Variants in RBM4 observed in about 807,000 individuals in gnomAD.
RBM4 encodes RNA binding motif protein 4.
Under a neutral mutation model 29.5 loss-of-function variants are expected in RBM4, and 7 were observed. The observed-to-expected ratio is 0.24, with a 90% CI of 0.14 to 0.45. The LOEUF (loss-of-function observed/expected upper bound fraction) is 0.45. Ranked by LOEUF, RBM4 falls within the 20% of genes least tolerant of loss-of-function variation. The pLI, the probability that RBM4 is intolerant of heterozygous loss-of-function variation, is 1.00. For missense variants in RBM4, 387 were observed against 502.3 expected, an observed-to-expected ratio of 0.77 and a Z score of 2.19; for synonymous variants, 220 against 205.4, an observed-to-expected ratio of 1.07 and a Z score of -0.61.
chr11:66,643,651 A>T lies in RBM4; in HGVS notation c.614A>T (p.Tyr205Phe), dbSNP rs373558491. The change falls in exon 3 of 4, where the codon TAT becomes TTT. Residue 205 changes from tyrosine to phenylalanine, a missense_variant. Physicochemically the swap from Tyr to Phe is conservative, Grantham distance 22. This residue lies in a region of RBM4 where 281 missense variants were observed against 288.7 expected (regional missense o/e 0.97). Transcript: ENST00000310092. This position sits in a 1 kb window ranked among gnomAD's most constrained non-coding sequence, Gnocchi z 6.1. Reference protein sequence around the residue: ...GAVRTPYTMSYGDSLYYNNAY... With the variant: ...GAVRTPYTMSFGDSLYYNNAY... ...GTGCGTACGCCTTACACCATGAGCTATGGGGATTCATTGTATTACAACAAC... is the reference window on the plus strand; with the variant it reads ...GTGCGTACGCCTTACACCATGAGCTTTGGGGATTCATTGTATTACAACAAC... 1 of 1,614,164 alleles carries T rather than the reference A, an allele frequency of 6.2e-7. No homozygotes were observed. Among genetic ancestry groups the T allele is most frequent in the Non-Finnish European group, 8.5e-7 (1 of 1,180,034 alleles).
chr11:66,665,484 C>T, intron 2 of RBM4: 1 of 921,868 alleles, frequency 1.1e-6, no homozygotes, highest in South Asian at 1.4e-5. Flanking sequence ...TTTACTGAAA[C>T]ATGAAGCAAT....
At chr11:66,663,760 G>A (rs1430784832) in intron 2 of RBM4, among the ~76,000 whole-genome samples, 1 of 151,916 alleles carries the variant, frequency 6.6e-6, no homozygotes, top group Non-Finnish European at 1.5e-5. Context: ...TTGTAAATAT[G>A]AGCCAGAAAA....
At chr11:66,656,181 G>A (rs1253200607) in intron 2 of RBM4, among the ~76,000 whole-genome samples, 1 of 152,070 alleles carries the variant, frequency 6.6e-6, no homozygotes, top group East Asian at 1.9e-4. Context: ...CTGTCACCCA[G>A]GCTGGAGTGC....
downstream of RBM4, among the ~76,000 whole-genome samples, chr11:66,649,402 CTT>C (rs1037609116): frequency 2.6e-5 from 4 of 152,286 alleles, no homozygotes; most frequent in African/African-American, 9.6e-5. Flanking sequence ...AAAGTTAGCT[CTT>C]TGTGGTGATA....
Position 66,646,279 on chromosome 11 carries a change from A to C in RBM4, c.*261A>C. 1 of 1,387,252 alleles carries C rather than the reference A, an allele frequency of 7.2e-7. No homozygotes were observed. The highest frequency in any genetic ancestry group is 9.3e-7 in the Non-Finnish European group (1 of 1,069,754). 85.9% of individuals were successfully genotyped at this position (1,387,252 alleles called of 1,614,324 possible). On this transcript the variant is annotated 3_prime_UTR_variant, in exon 4 of 4. Transcript: ENST00000310092. ...ATGTTCTCTTCTCCCAGCAGGCCTCATTGTGTGCAGAAACTGTGGTGGGGG... is the reference window on the plus strand; with the variant it reads ...ATGTTCTCTTCTCCCAGCAGGCCTCCTTGTGTGCAGAAACTGTGGTGGGGG...
At chr11:66,649,897 A>C, downstream of RBM4, 2 of 567,302 alleles carry the variant, frequency 3.5e-6, no homozygotes, top group Non-Finnish European at 6.3e-6. Flanking sequence ...GTTTTTCAAG[A>C]GTAATGCTTT....
rs1364716130 is a variant in RBM4, at chr11:66,643,939, C to G, written c.902C>G (p.Thr301Ser). 9 of 1,613,410 alleles carry G rather than the reference C, an allele frequency of 5.6e-6. No individual in the cohort carries two copies. Among genetic ancestry groups the G allele is most frequent in the Non-Finnish European group, 6.8e-6 (8 of 1,179,990 alleles). ...GCTGCTGCTGTTACTGCAGCTTCCA[C>G]TTCATATTACGGGCGGGATCGGAGC... is the stretch of plus-strand genomic sequence containing the variant. ...AAAAAVTAASTSYYGRDRSPL... is the reference protein window; with the variant it reads ...AAAAAVTAASSSYYGRDRSPL... The change falls in exon 3 of 4, where the codon ACT becomes AGT. Residue 301 changes from threonine to serine, a missense_variant. Physicochemically the swap from Thr to Ser is moderately conservative, Grantham distance 58 (BLOSUM62 1). This residue lies in a region of RBM4 where 281 missense variants were observed against 288.7 expected (regional missense o/e 0.97). Transcript: ENST00000310092. The surrounding 1 kb of genome is among the most constrained non-coding windows in gnomAD (Gnocchi z 6.1).
At chr11:66,648,119 T>C (rs889622659), downstream of RBM4, among the ~76,000 whole-genome samples, 10 of 151,962 alleles carry the variant, frequency 6.6e-5, no homozygotes, top group African/African-American at 2.2e-4. Flanking sequence ...GGCAGGAGAA[T>C]CGCTTGAACC....
At chr11:66,649,361 CAT>C (rs1938776322), downstream of RBM4, among the ~76,000 whole-genome samples, 1 of 152,152 alleles carries the variant, frequency 6.6e-6, no homozygotes, top group Admixed American at 6.5e-5. Context: ...GCCTAGGCAA[CAT>C]AGTAGGATCC....
intron 2 of RBM4, among the ~76,000 whole-genome samples, chr11:66,663,728 G>GTGTGTGTGTA (rs1554971428): frequency 1.3e-5 from 2 of 151,484 alleles, no homozygotes; most frequent in Admixed American, 6.6e-5. Context: ...GTGTGTGTGT[G>GTGTGTGTGTA]TATATATGTT....
At chr11:66,665,374 G>A (rs754122214) in intron 2 of RBM4, 3 of 603,572 alleles carry the variant, frequency 5.0e-6, no homozygotes, top group Non-Finnish European at 8.8e-6. Flanking sequence ...GAGAATATAA[G>A]GAACAGAGTG....
chr11:66,646,361 C>G lies in RBM4; in HGVS notation c.*343C>G, dbSNP rs914565567. 8.2e-7 allele frequency: 1 copy of G among 1,221,848 alleles called. No individual in the cohort carries two copies. Among genetic ancestry groups the G allele is most frequent in the Non-Finnish European group, 1.0e-6 (1 of 973,136 alleles). 75.7% of individuals were successfully genotyped at this position (1,221,848 alleles called of 1,614,324 possible). On this transcript the variant is annotated 3_prime_UTR_variant, in exon 4 of 4. Transcript: ENST00000310092. ...TGCGGCTGTTGGATTTGGGAATGAC[C>G]TTGGTGAGAGTCTCACTGCTCCAGG...
At chr11:66,649,617 G>A, downstream of RBM4, 1 of 606,906 alleles carries the variant, frequency 1.6e-6, no homozygotes. Flanking sequence ...TTGTTTTTAT[G>A]CTTCCAATCA....
In RBM4 at chr11:66,659,928, TG is replaced by T. The variant is rs1168490897; in HGVS notation, c.413-5927del. 4.1e-3 allele frequency among the ~76,000 whole-genome samples: 623 copies of T among 152,354 alleles called. 2 individuals carry two copies. Among genetic ancestry groups the T allele is most frequent in the African/African-American group, 0.013 (536 of 41,584 alleles). On this transcript the variant is annotated intron_variant, in intron 2 of 2. Transcript: ENST00000396053. Reference sequence around the variant, plus strand: ...TCTTGTGAAATGTATGTAAATCAGATGTTTCTTTCGTTACTTAGAACCTTTC... The same window carrying T: ...TCTTGTGAAATGTATGTAAATCAGATTTTCTTTCGTTACTTAGAACCTTTC...
intron 2 of RBM4, 143 bp downstream of exon 2, chr11:66,640,266 A>C: frequency 9.3e-7 from 1 of 1,079,476 alleles, no homozygotes; most frequent in South Asian, 1.4e-5. Context: ...TGGACTTCTT[A>C]TGATGTAGAA....
intron 2 of RBM4, among the ~76,000 whole-genome samples, chr11:66,659,648 A>T (rs1939036702): frequency 6.6e-6 from 1 of 151,846 alleles, no homozygotes; most frequent in Non-Finnish European, 1.5e-5. Flanking sequence ...CTCTAAAATC[A>T]TTTCTCCTTC....
chr11:66,658,742 G>C (rs1430048266), intron 2 of RBM4, among the ~76,000 whole-genome samples: 2 of 151,976 alleles, frequency 1.3e-5, no homozygotes, highest in Non-Finnish European at 2.9e-5. Context: ...TTTGAGACCA[G>C]CCTGGCCAAG....
chr11:66,649,662 CTG>C (rs1464235395), downstream of RBM4: 15 of 681,092 alleles, frequency 2.2e-5, no homozygotes, highest in Non-Finnish European at 2.9e-5. Context: ...ATAGTTGGCT[CTG>C]TGTAATTGAC....
At chr11:66,664,715 A>C (rs546745506) in intron 2 of RBM4, among the ~76,000 whole-genome samples, 144 of 152,258 alleles carry the variant, frequency 9.5e-4, no homozygotes, top group Non-Finnish European at 1.6e-3. Flanking sequence ...TTGGCCTCCC[A>C]AAGTGCTGGG....
Sources: gnomAD v4.1 joint callset for allele counts (sites outside exome capture counted in the v4.1 genomes callset) on GRCh38, gnomAD v4.1.1 for gene constraint, gnomAD v4.1.1 regional missense constraint, Gnocchi (gnomAD v3.1) non-coding constraint, MANE v1.5 for transcripts, NCBI Gene and HGNC (gene_info 2026-07-23, HGNC 2026-07-21) for gene names.